Variants in EPHB1 observed in about 807,000 individuals in gnomAD.
EPHB1 encodes the protein EPH receptor B1, also known as ephrin type-B receptor 1.
Under a neutral mutation model 94.4 loss-of-function variants are expected in EPHB1, and 30 were observed. The ratio of observed to expected loss-of-function variants is 0.32; its 90% CI spans 0.24 to 0.43. EPHB1 has a LOEUF of 0.43. Among genes scored for constraint, EPHB1 ranks in the 20% least tolerant of loss-of-function variants. The pLI, the probability that EPHB1 is intolerant of heterozygous loss-of-function variation, is 1.00. For missense variants in EPHB1, 1,055 were observed against 1,308.3 expected (o/e 0.81, Z 2.99); for synonymous variants, 522 against 489.1 (o/e 1.07, Z -0.89).
chr3:135,176,004 C>T (rs1246766938), intron 9 of EPHB1, among the ~76,000 whole-genome samples: 1 of 152,104 alleles, frequency 6.6e-6, no homozygotes, highest in Non-Finnish European at 1.5e-5. Flanking sequence ...CAAAATGAGC[C>T]AAAAGACAAA....
rs367623340 is a variant in EPHB1, at chr3:134,951,331, G to A, written c.124-40G>A. 2.4e-5 allele frequency: 36 copies of A among 1,494,054 alleles called. No homozygotes were observed. Among genetic ancestry groups the A allele is most frequent in the Non-Finnish European group, 3.0e-5 (33 of 1,118,530 alleles). 92.5% of individuals were successfully genotyped at this position (1,494,054 alleles called of 1,614,324 possible). On this transcript the variant is annotated intron_variant, in intron 2 of 15. Transcript: ENST00000398015. This position sits in a 1 kb window ranked among gnomAD's most constrained non-coding sequence, Gnocchi z 4.5. The stretch of plus-strand genomic sequence containing the variant: ...TTTTTGTATTCTCACTCTCTATTTT[G>A]TGTTTTTGCATGTGTGTGCCTGTGG...
chr3:135,029,263 A>G (rs1463001260), intron 3 of EPHB1, among the ~76,000 whole-genome samples: 1 of 150,480 alleles, frequency 6.6e-6, no homozygotes, highest in Non-Finnish European at 1.5e-5. Context: ...TGATCCTGTC[A>G]TTATGATGTT....
At chr3:134,926,748 T>A (rs2107702729) in intron 2 of EPHB1, among the ~76,000 whole-genome samples, 1 of 152,066 alleles carries the variant, frequency 6.6e-6, no homozygotes, top group African/African-American at 2.4e-5. Flanking sequence ...AATGGAGAGA[T>A]CCTGAGCAGG....
At chr3:134,911,223 G>A (rs2038445939) in intron 1 of EPHB1, among the ~76,000 whole-genome samples, 1 of 152,208 alleles carries the variant, frequency 6.6e-6, no homozygotes. Flanking sequence ...TGCAAGGTGT[G>A]GCAGCCCATG....
At chr3:134,851,436 G>A (rs2036982197) in intron 1 of EPHB1, among the ~76,000 whole-genome samples, 1 of 151,454 alleles carries the variant, frequency 6.6e-6, no homozygotes, top group African/African-American at 2.4e-5. Context: ...TTGCTCCCCT[G>A]GGTTTTCCTC....
At chr3:135,165,777 G>C (rs942821228) in intron 7 of EPHB1, among the ~76,000 whole-genome samples, 191 bp from the exon 8 acceptor site, 1 of 152,072 alleles carries the variant, frequency 6.6e-6, no homozygotes, top group Non-Finnish European at 1.5e-5. Context: ...ATTGTCCTTT[G>C]TTTTTGGTTG....
chr3:135,187,178 A>G (rs181957245), intron 10 of EPHB1, among the ~76,000 whole-genome samples: 171 of 152,360 alleles, frequency 1.1e-3, no homozygotes, highest in African/African-American at 4.0e-3. Context: ...TGTCAGACAC[A>G]AAGATGTGTG....
At chr3:134,848,289 A>C (rs187934236) in intron 1 of EPHB1, among the ~76,000 whole-genome samples, 3 of 152,350 alleles carry the variant, frequency 2.0e-5, no homozygotes, top group East Asian at 3.9e-4. Context: ...CCTGGTGGCA[A>C]GGGCATGTCT....
chr3:134,827,467 T>C (rs550218260), intron 1 of EPHB1, among the ~76,000 whole-genome samples: 369 of 152,348 alleles, frequency 2.4e-3, no homozygotes, highest in Non-Finnish European at 4.4e-3. Context: ...GCATTTAAGA[T>C]GCTATTGGGA....
At chr3:135,173,795 G>A (rs1397563622) in intron 9 of EPHB1, among the ~76,000 whole-genome samples, 1 of 152,218 alleles carries the variant, frequency 6.6e-6, no homozygotes, top group Non-Finnish European at 1.5e-5. Flanking sequence ...CTAAGCACCT[G>A]CATATTTCAT....
intron 12 of EPHB1, among the ~76,000 whole-genome samples, chr3:135,224,569 A>G (rs2107721518): frequency 6.6e-6 from 1 of 152,254 alleles, no homozygotes; most frequent in African/African-American, 2.4e-5. Context: ...TTCTCTTGTG[A>G]CTAATTAGCA....
intron 3 of EPHB1, among the ~76,000 whole-genome samples, chr3:135,011,967 T>TG: frequency 6.6e-6 from 1 of 152,140 alleles, no homozygotes; most frequent in African/African-American, 2.4e-5. Context: ...GTCCAGATTT[T>TG]TTTTACTGGA....
intron 12 of EPHB1, among the ~76,000 whole-genome samples, chr3:135,235,631 T>A (rs1472444717): frequency 6.6e-6 from 1 of 152,126 alleles, no homozygotes; most frequent in Non-Finnish European, 1.5e-5. Context: ...TTTCCCCAGG[T>A]GATTCCAGTA....
intron 3 of EPHB1, among the ~76,000 whole-genome samples, chr3:135,103,032 C>T (rs1311684740): frequency 6.6e-6 from 1 of 151,978 alleles, no homozygotes; most frequent in Non-Finnish European, 1.5e-5. Context: ...GCATGCAGGG[C>T]TTAAAACCTA....
intron 14 of EPHB1, 98 bp downstream of exon 14, chr3:135,248,607 A>G: frequency 7.8e-7 from 1 of 1,286,828 alleles, no homozygotes; most frequent in African/African-American, 1.5e-5. Flanking sequence ...AATTTTTTAA[A>G]GAGTATCTAG....
At chr3:134,917,233 T>C (rs1246274856) in intron 1 of EPHB1, among the ~76,000 whole-genome samples, 9 of 152,152 alleles carry the variant, frequency 5.9e-5, no homozygotes, top group Non-Finnish European at 2.9e-5. Context: ...CTCTGAACCA[T>C]AGAGGAGAAC....
At chr3:134,998,947 G>A (rs1341256665) in intron 3 of EPHB1, among the ~76,000 whole-genome samples, 1 of 152,162 alleles carries the variant, frequency 6.6e-6, no homozygotes, top group African/African-American at 2.4e-5. Context: ...GCCAGGAAGG[G>A]AAACAAAGAA....
intron 12 of EPHB1, among the ~76,000 whole-genome samples, chr3:135,236,942 G>A (rs901848599): frequency 8.5e-5 from 13 of 152,184 alleles, no homozygotes; most frequent in African/African-American, 3.1e-4. Context: ...GTGGGCTCTA[G>A]AACCAAAGCT....
intron 12 of EPHB1, among the ~76,000 whole-genome samples, chr3:135,208,457 A>G (rs375682319): frequency 6.6e-6 from 1 of 152,112 alleles, no homozygotes. Context: ...CCTTCTTTAG[A>G]AATAACTTTC....
Sources: gnomAD v4.1 joint callset for allele counts (sites outside exome capture counted in the v4.1 genomes callset) on GRCh38, gnomAD v4.1.1 for gene constraint, Gnocchi (gnomAD v3.1) non-coding constraint, MANE v1.5 for transcripts, NCBI Gene and HGNC (gene_info 2026-07-23, HGNC 2026-07-21) for gene names.